NAV3: variants seen among roughly 807,000 people sequenced by gnomAD.
NAV3 encodes the protein pore membrane and/or filament interacting like protein 1.
In NAV3, 87 loss-of-function variants were observed where a neutral mutation model predicts 244.7. The ratio of observed to expected loss-of-function variants is 0.36; its 90% CI spans 0.30 to 0.42. The LOEUF is 0.42. Among genes scored for constraint, NAV3 ranks in the 20% least tolerant of loss-of-function variants. The pLI is 1.00. For synonymous variants in NAV3, 1,126 were observed against 1,042.2 expected (o/e 1.08, Z -1.55); for missense variants, 2,663 against 2,893.3 (o/e 0.92, Z 1.83).
At chr12:77,677,202 T>C (rs574438769) in intron 2 of NAV3, among the ~76,000 whole-genome samples, 10 of 152,356 alleles carry the variant, frequency 6.6e-5, no homozygotes, top group South Asian at 2.1e-4. Flanking sequence ...CAAATATTGA[T>C]TTAGTATATC....
chr12:77,579,174 G>A (rs1869232823), intron 2 of NAV3, among the ~76,000 whole-genome samples: 2 of 152,154 alleles, frequency 1.3e-5, no homozygotes, highest in African/African-American at 2.4e-5. Flanking sequence ...CCAAATCTGG[G>A]TTTTTGAGTC....
intron 11 of NAV3, among the ~76,000 whole-genome samples, chr12:78,052,973 C>T (rs972821347): frequency 6.6e-6 from 1 of 151,960 alleles, no homozygotes; most frequent in African/African-American, 2.4e-5. Context: ...AATCCCAGCA[C>T]TTTGGGAAGC....
intron 2 of NAV3, among the ~76,000 whole-genome samples, chr12:77,746,497 G>A (rs1045953262): frequency 5.3e-5 from 8 of 152,102 alleles, no homozygotes; most frequent in African/African-American, 1.9e-4. Flanking sequence ...GTGCATATAT[G>A]TATGTGTATA....
intron 2 of NAV3, among the ~76,000 whole-genome samples, chr12:77,605,725 G>A (rs1332446675): frequency 4.6e-5 from 7 of 151,810 alleles, no homozygotes; most frequent in African/African-American, 1.4e-4. Flanking sequence ...CTGTAATCCC[G>A]GCTACTTGAG....
intron 9 of NAV3, among the ~76,000 whole-genome samples, chr12:78,022,195 G>T (rs1401026486): frequency 1.3e-5 from 2 of 152,122 alleles, no homozygotes; most frequent in African/African-American, 4.8e-5. Context: ...CATGGCTAAT[G>T]CAGCCTGCTC....
intron 3 of NAV3, among the ~76,000 whole-genome samples, 197 bp downstream of exon 3, chr12:77,941,330 A>G (rs749322121): frequency 7.2e-5 from 11 of 152,140 alleles, no homozygotes; most frequent in Admixed American, 1.3e-4. Flanking sequence ...TACACATGAC[A>G]TATTTCCAGA....
At position 78,200,413 on chromosome 12, in the gene NAV3, A is replaced by G. The variant is rs917311666; in HGVS notation, c.6716-60A>G. The G allele has an allele frequency of 4.0e-6, 4 of 994,930 alleles. No individual in the cohort carries two copies. In the African/African-American group the frequency reaches 6.7e-5, roughly 17 times the overall value. The allele number at this position is 994,930 out of a possible 1,614,324, so 61.6% of individuals were successfully genotyped here. A position where few individuals can be genotyped will look rare whatever the true frequency, so the allele number is the denominator to read the frequency against. ...TATTATATTCCAAAATGGTGTCTAGATATGTGTTTAGATTATTAAATATAA... is the reference window on the plus strand; with the variant it reads ...TATTATATTCCAAAATGGTGTCTAGGTATGTGTTTAGATTATTAAATATAA... On this transcript the variant is annotated intron_variant, in intron 37 of 39. Coordinates refer to ENST00000397909, the MANE Select transcript of NAV3 (RefSeq NM_001024383.2).
chr12:78,192,851 G>C (rs1003034835), intron 34 of NAV3, among the ~76,000 whole-genome samples: 1 of 152,024 alleles, frequency 6.6e-6, no homozygotes, highest in Non-Finnish European at 1.5e-5. Context: ...ATACAAACTC[G>C]TTGCCAGAAA....
chr12:78,113,313 TC>T (rs1955198013), intron 12 of NAV3, among the ~76,000 whole-genome samples: 1 of 152,228 alleles, frequency 6.6e-6, no homozygotes, highest in African/African-American at 2.4e-5. Flanking sequence ...CAGTGGGGAC[TC>T]TGTGTGGGGG....
intron 2 of NAV3, among the ~76,000 whole-genome samples, chr12:77,823,256 T>G (rs911280027): frequency 6.6e-6 from 1 of 151,904 alleles, no homozygotes; most frequent in East Asian, 1.9e-4. Context: ...AAGAAGGAAC[T>G]GCAGAGAGAG....
At chr12:77,954,074 C>G (rs1891143253) in intron 3 of NAV3, among the ~76,000 whole-genome samples, 1 of 152,084 alleles carries the variant, frequency 6.6e-6, no homozygotes, top group Admixed American at 6.6e-5. Flanking sequence ...CTTTCTTTTG[C>G]TTGAGGCCAC....
chr12:77,853,794 C>A (rs1008379716), intron 1 of NAV3, among the ~76,000 whole-genome samples: 1 of 152,158 alleles, frequency 6.6e-6, no homozygotes, highest in South Asian at 2.1e-4. Flanking sequence ...GTTAATATTT[C>A]ATAAGGTATA....
intron 12 of NAV3, among the ~76,000 whole-genome samples, chr12:78,067,246 T>G (rs1885124428): frequency 6.6e-6 from 1 of 152,134 alleles, no homozygotes; most frequent in South Asian, 2.1e-4. Context: ...ATTAGCTTAC[T>G]GGCTCTCCAT....
chr12:77,912,462 A>C (rs1448683255), intron 1 of NAV3, among the ~76,000 whole-genome samples: 1 of 152,138 alleles, frequency 6.6e-6, no homozygotes, highest in Non-Finnish European at 1.5e-5. Flanking sequence ...CTCACAGATG[A>C]ATTACTCAGT....
intron 2 of NAV3, among the ~76,000 whole-genome samples, chr12:77,722,379 C>T (rs924190723): frequency 3.9e-5 from 6 of 151,936 alleles, no homozygotes; most frequent in African/African-American, 7.3e-5. Flanking sequence ...TGTATTTATA[C>T]GTTAAAGCAA....
At chr12:78,013,708 C>T (rs1875697282) in intron 8 of NAV3, among the ~76,000 whole-genome samples, 1 of 151,966 alleles carries the variant, frequency 6.6e-6, no homozygotes, top group Admixed American at 6.6e-5. Flanking sequence ...ATTCTTTCTT[C>T]AGTATGTAAA....
chr12:78,191,403 C>G (rs945093785), intron 34 of NAV3, among the ~76,000 whole-genome samples: 3 of 152,064 alleles, frequency 2.0e-5, no homozygotes, highest in Non-Finnish European at 4.4e-5. Flanking sequence ...GAAGATTTCT[C>G]TCACAAGCAT....
At chr12:77,849,585 G>A (rs996097535) in intron 1 of NAV3, among the ~76,000 whole-genome samples, 7 of 152,086 alleles carry the variant, frequency 4.6e-5, no homozygotes, top group African/African-American at 1.7e-4. Context: ...TAGGCTAAAC[G>A]TAGAGTGTAT....
chr12:78,089,211 G>C (rs1378829626), intron 12 of NAV3, among the ~76,000 whole-genome samples: 2 of 151,968 alleles, frequency 1.3e-5, no homozygotes, highest in Non-Finnish European at 2.9e-5. Context: ...CAACCAATTT[G>C]TAAGTTCAGA....
Sources: gnomAD v4.1 joint callset for allele counts (sites outside exome capture counted in the v4.1 genomes callset) on GRCh38, gnomAD v4.1.1 for gene constraint, MANE v1.5 for transcripts, NCBI Gene and HGNC (gene_info 2026-07-23, HGNC 2026-07-21) for gene names.